The following EPHA5 variants were observed in gnomAD, a reference collection of about 807,000 sequenced individuals.
EPHA5 encodes the protein ephrin type-A receptor 5.
Under a neutral mutation model 105.0 loss-of-function variants are expected in EPHA5, and 60 were observed. The ratio of observed to expected loss-of-function variants is 0.57; its 90% CI spans 0.46 to 0.71. The LOEUF (loss-of-function observed/expected upper bound fraction) is 0.71. Among genes scored for constraint, EPHA5 ranks in the 30% least tolerant of loss-of-function variants. The pLI is 0.00. For synonymous variants in EPHA5, 513 were observed against 449.1 expected (o/e 1.14, Z -1.80); for missense variants, 1,218 against 1,274.7 (o/e 0.96, Z 0.68).
Position 65,574,687 on chromosome 4 carries a change from T to TATATAC in EPHA5, c.910+26953_910+26954insGTATAT, listed in dbSNP as rs1553942786. Among the ~76,000 whole-genome samples the TATATAC allele has an allele frequency of 1.3e-4, 6 of 47,958 alleles. No individual in the cohort carries two copies. In the East Asian group the frequency reaches 2.5e-3, roughly 20 times the overall value. The allele number at this position is 47,958 out of a possible 152,430, so 31.5% of individuals were successfully genotyped here. On this transcript the variant is annotated intron_variant, in intron 3 of 16. Coordinates refer to ENST00000613740, the MANE Select transcript of EPHA5 (RefSeq NM_001281766.3). ...ATATACACATATATATACATATATA[T>TATATAC]ACATATATATACATATATATACATA...
intron 8 of EPHA5, among the ~76,000 whole-genome samples, chr4:65,383,238 C>CAT (rs1028006124): frequency 1.3e-5 from 2 of 150,802 alleles, no homozygotes; most frequent in African/African-American, 4.9e-5. Context: ...CACACACACA[C>CAT]ACACACACAT....
chr4:65,626,418 A>G (rs1448742377), intron 2 of EPHA5, among the ~76,000 whole-genome samples: 3 of 152,238 alleles, frequency 2.0e-5, no homozygotes, highest in Non-Finnish European at 4.4e-5. Flanking sequence ...TATTGTGATC[A>G]AATAATTAGG....
rs565285933 is a variant in EPHA5 at position 65,412,848 on chromosome 4, T to C, written c.1687+1436A>G. Among the ~76,000 whole-genome samples, 23 of 152,284 alleles carry C rather than the reference T, an allele frequency of 1.5e-4. 1 individual carries two copies. The highest frequency in any genetic ancestry group is 3.9e-4 in the Admixed American group (6 of 15,282). ...TTGAAAAGCCTGAAGAAAAACCAGT[T>C]GCTGAATGTGCCAACATCCTAAAAC... On this transcript the variant is annotated intron_variant, in intron 7 of 16. Transcript: ENST00000613740.
At chr4:65,482,103 G>A (rs1730422469) in intron 5 of EPHA5, among the ~76,000 whole-genome samples, 1 of 152,072 alleles carries the variant, frequency 6.6e-6, no homozygotes, top group African/African-American at 2.4e-5. Context: ...TTTGAGACCA[G>A]CATGGCCAAC....
intron 2 of EPHA5, among the ~76,000 whole-genome samples, chr4:65,613,979 A>C (rs1745004738): frequency 6.6e-6 from 1 of 151,918 alleles, no homozygotes; most frequent in Non-Finnish European, 1.5e-5. Flanking sequence ...GCACTTTAAT[A>C]TTTTACTTGA....
chr4:65,365,287 G>A (rs1717760225), intron 10 of EPHA5, 85 bp from the exon 11 acceptor site: 1 of 1,124,166 alleles, frequency 8.9e-7, no homozygotes, highest in Non-Finnish European at 1.3e-6. Flanking sequence ...GACTACTAAG[G>A]CTTAGATGAA....
chr4:65,578,223 A>T (rs1347999995), intron 3 of EPHA5, among the ~76,000 whole-genome samples: 1 of 152,042 alleles, frequency 6.6e-6, no homozygotes, highest in African/African-American at 2.4e-5. Context: ...CCCCATCCCT[A>T]GTCTTTTTCT....
chr4:65,465,477 AAGAAAGAAAGAAAGAAAG>A lies in EPHA5; in HGVS notation c.1402+24882_1402+24899del, dbSNP rs1412926007. 3.2e-3 allele frequency among the ~76,000 whole-genome samples: 225 copies of A among 69,404 alleles called. 6 individuals carry two copies. Among genetic ancestry groups the A allele is most frequent in the Non-Finnish European group, 5.1e-3 (171 of 33,558 alleles). The allele number at this position is 69,404 out of a possible 152,430, so 45.5% of individuals were successfully genotyped here. On this transcript the variant is annotated intron_variant, in intron 5 of 16. Transcript: ENST00000613740. ...GAAAGAAAAGAAAGAAAAAGAAAGA[AAGAAAGAAAGAAAGAAAG>A]AAAGAAAGAAAGAAAGAAAGAAAGA...
At position 65,320,040 on chromosome 4, in the gene EPHA5, CA is replaced by C. The variant is rs1406682103; in HGVS notation, c.*4073del. On this transcript the variant is annotated 3_prime_UTR_variant, in exon 17 of 17. Coordinates refer to ENST00000613740, the MANE Select transcript of EPHA5 (RefSeq NM_001281766.3). Reference sequence around the variant, plus strand: ...AACATTTGATTCTGATTATTATAAACAGACTTTTTTTCTTTTAAAAGAATTG... The same window carrying C: ...AACATTTGATTCTGATTATTATAAACGACTTTTTTTCTTTTAAAAGAATTG... The C allele has an allele frequency of 8.7e-6, 2 of 229,940 alleles. No individual in the cohort carries two copies. Among genetic ancestry groups the C allele is most frequent in the Non-Finnish European group, 1.7e-5 (2 of 116,042 alleles). The allele number at this position is 229,940 out of a possible 1,614,324, so 14.2% of individuals were successfully genotyped here. A position where few individuals can be genotyped will look rare whatever the true frequency, so the allele number is the denominator to read the frequency against.
Position 65,404,499 on chromosome 4 carries a change from A to G in EPHA5, c.1688-20T>C, listed in dbSNP as rs761069714. The G allele has an allele frequency of 3.7e-6, 6 of 1,608,666 alleles. No individual in the cohort carries two copies. In the Admixed American group the frequency reaches 1.0e-4, roughly 27 times the overall value. ...CAACTGCTGATAGGAGATACAGAAA[A>G]TGGAGCTTGTGGTTAAAGTGATCAC... is the stretch of plus-strand genomic sequence containing the variant. On this transcript the variant is annotated intron_variant, in intron 7 of 16. Coordinates refer to ENST00000613740, the MANE Select transcript of EPHA5 (RefSeq NM_001281766.3).
intron 11 of EPHA5, among the ~76,000 whole-genome samples, chr4:65,354,717 C>A (rs981342035): frequency 1.1e-4 from 16 of 151,346 alleles, no homozygotes; most frequent in African/African-American, 3.9e-4. Flanking sequence ...ATCATATTAT[C>A]CAGAAGTACA....
At chr4:65,501,898 A>C (rs1732524413) in intron 3 of EPHA5, among the ~76,000 whole-genome samples, 1 of 151,806 alleles carries the variant, frequency 6.6e-6, no homozygotes, top group Admixed American at 6.6e-5. Flanking sequence ...CTGGTAGAAA[A>C]ACAGACACAT....
At chr4:65,459,392 A>T (rs558902599) in intron 5 of EPHA5, among the ~76,000 whole-genome samples, 62 of 152,056 alleles carry the variant, frequency 4.1e-4, no homozygotes, top group Non-Finnish European at 3.0e-5. Context: ...AATCTATTTC[A>T]GTTGAGATAA....
At chr4:65,458,641 TC>T in intron 5 of EPHA5, among the ~76,000 whole-genome samples, 1 of 152,156 alleles carries the variant, frequency 6.6e-6, no homozygotes, top group Non-Finnish European at 1.5e-5. Context: ...CATATGTAAT[TC>T]CCATATTAAA....
chr4:65,343,780 A>G (rs1413833364), intron 14 of EPHA5, among the ~76,000 whole-genome samples: 1 of 152,180 alleles, frequency 6.6e-6, no homozygotes, highest in Non-Finnish European at 1.5e-5. Flanking sequence ...TTTTAGAATG[A>G]TCTTTAATTG....
intron 3 of EPHA5, among the ~76,000 whole-genome samples, chr4:65,506,882 T>C (rs1399329315): frequency 1.3e-5 from 2 of 152,192 alleles, no homozygotes; most frequent in Non-Finnish European, 2.9e-5. Context: ...CATTTGTCAA[T>C]TTTGGCTTTT....
At chr4:65,510,571 A>G (rs1222051008) in intron 3 of EPHA5, among the ~76,000 whole-genome samples, 7 of 152,118 alleles carry the variant, frequency 4.6e-5, no homozygotes, top group African/African-American at 7.2e-5. Context: ...CTTTTGTGGA[A>G]TTTCTGAAAG....
At chr4:65,351,646 G>A (rs766239443) in intron 12 of EPHA5, 48 bp from the exon 13 acceptor site, 42 of 1,544,390 alleles carry the variant, frequency 2.7e-5, no homozygotes, top group Middle Eastern at 1.8e-4. Context: ...CAATCACTGG[G>A]GGAAAATATG....
intron 8 of EPHA5, among the ~76,000 whole-genome samples, chr4:65,384,686 TG>T (rs1265697411): frequency 2.0e-5 from 3 of 151,910 alleles, no homozygotes; most frequent in Admixed American, 6.6e-5. Flanking sequence ...ACTCTGTGTT[TG>T]TTCTCAGCTG....
Sources: allele counts gnomAD v4.1 joint callset (sites outside exome capture counted in the v4.1 genomes callset), GRCh38; gene constraint gnomAD v4.1.1; transcripts MANE v1.5; gene names NCBI Gene and HGNC (gene_info 2026-07-23, HGNC 2026-07-21).